Variants in SPOCK3 observed in about 807,000 individuals in gnomAD.
The protein encoded by SPOCK3 is testican-3.
A neutral mutation model predicts 56.6 loss-of-function variants in SPOCK3; 30 were observed. The ratio of observed to expected loss-of-function variants is 0.53; its 90% confidence interval spans 0.40 to 0.72. The LOEUF (loss-of-function observed/expected upper bound fraction) is 0.72, where lower values mean the gene tolerates loss of function less well. SPOCK3 is among the 30% of genes least tolerant of loss of function. The probability of loss-of-function intolerance (pLI) is 0.00; values close to 1 mark genes in which losing one functional copy is unlikely to be tolerated. For synonymous variants in SPOCK3, 196 were observed against 183.3 expected (o/e 1.07, Z -0.56); for missense variants, 527 against 530.0 (o/e 0.99, Z 0.06).
At chr4:167,050,304 C>T (rs560428180) in intron 3 of SPOCK3, among the ~76,000 whole-genome samples, 2 of 152,136 alleles carry the variant, frequency 1.3e-5, no homozygotes, top group African/African-American at 4.8e-5. Context: ...TTGCTAGTAC[C>T]CTATGATTCT....
intron 4 of SPOCK3, among the ~76,000 whole-genome samples, chr4:166,926,537 CTTTT>C (rs536719151): frequency 2.1e-5 from 3 of 143,694 alleles, no homozygotes; most frequent in Non-Finnish European, 4.7e-5. Context: ...TTTGTTTTTG[CTTTT>C]TTTGTTTTTT....
At chr4:166,905,585 C>A (rs1411623393) in intron 5 of SPOCK3, among the ~76,000 whole-genome samples, 1 of 151,870 alleles carries the variant, frequency 6.6e-6, no homozygotes, top group African/African-American at 2.4e-5. Flanking sequence ...GAACACTTTT[C>A]TTATAAATTG....
intron 2 of SPOCK3, among the ~76,000 whole-genome samples, chr4:167,216,326 G>T (rs1020131552): frequency 4.6e-5 from 7 of 152,022 alleles, no homozygotes; most frequent in Non-Finnish European, 1.0e-4. Flanking sequence ...TACATTAAAA[G>T]ATGAATAGAA....
intron 2 of SPOCK3, 81 bp from the exon 3 acceptor site, chr4:167,062,618 G>T: frequency 9.2e-7 from 1 of 1,087,358 alleles, no homozygotes; most frequent in East Asian, 2.4e-5. Context: ...AATTAAATAT[G>T]AAACACAGAA....
intron 4 of SPOCK3, among the ~76,000 whole-genome samples, chr4:166,919,055 T>C (rs766552288): frequency 3.3e-5 from 5 of 152,196 alleles, no homozygotes; most frequent in Non-Finnish European, 4.4e-5. Context: ...TTGATTCTTG[T>C]ACAGCTTGGA....
chr4:166,935,321 C>T (rs1193322997), intron 4 of SPOCK3, among the ~76,000 whole-genome samples: 1 of 152,116 alleles, frequency 6.6e-6, no homozygotes, highest in Admixed American at 6.6e-5. Context: ...GGCAAAACTC[C>T]AAGCTCGATG....
intron 7 of SPOCK3, among the ~76,000 whole-genome samples, chr4:166,773,631 T>C (rs1165878572): frequency 6.6e-6 from 1 of 152,216 alleles, no homozygotes; most frequent in African/African-American, 2.4e-5. Flanking sequence ...AGCTCTTAAA[T>C]ATTGGTATTC....
intron 4 of SPOCK3, among the ~76,000 whole-genome samples, chr4:166,997,218 T>C (rs1748477783): frequency 6.6e-6 from 1 of 152,020 alleles, no homozygotes; most frequent in Non-Finnish European, 1.5e-5. Context: ...CGGTGCTTAA[T>C]ACTTAGGCGA....
chr4:167,035,986 T>C (rs1182077556), intron 3 of SPOCK3, among the ~76,000 whole-genome samples: 3 of 152,224 alleles, frequency 2.0e-5, no homozygotes, highest in African/African-American at 7.2e-5. Context: ...ATAGCTTAAA[T>C]ATCACTACAG....
At chr4:167,071,643 C>A (rs930880671) in intron 2 of SPOCK3, among the ~76,000 whole-genome samples, 2 of 132,160 alleles carry the variant, frequency 1.5e-5, no homozygotes, top group South Asian at 2.3e-4. Flanking sequence ...TTGGGTTGGT[C>A]CCAAGTCTTT....
chr4:166,802,873 T>G (rs1236291750), intron 6 of SPOCK3, among the ~76,000 whole-genome samples: 1 of 152,082 alleles, frequency 6.6e-6, no homozygotes, highest in Non-Finnish European at 1.5e-5. Context: ...TAAGCCTCAT[T>G]CCAGGGCAGA....
intron 2 of SPOCK3, among the ~76,000 whole-genome samples, chr4:167,108,918 GCA>G (rs1561223368): frequency 1.6e-5 from 2 of 126,644 alleles, no homozygotes; most frequent in Non-Finnish European, 1.6e-5. Context: ...CTCATATACC[GCA>G]CAAATATATA....
At chr4:167,186,124 A>G (rs1353580247) in intron 2 of SPOCK3, among the ~76,000 whole-genome samples, 2 of 152,206 alleles carry the variant, frequency 1.3e-5, no homozygotes, top group Non-Finnish European at 2.9e-5. Flanking sequence ...TCTCTTTAGA[A>G]TGAATGTTTT....
chr4:167,148,878 TA>T (rs575411488), intron 2 of SPOCK3, among the ~76,000 whole-genome samples: 4 of 151,868 alleles, frequency 2.6e-5, no homozygotes, highest in Admixed American at 6.6e-5. Flanking sequence ...TCTGAAAAGC[TA>T]AAAAAAATTT....
chr4:166,754,184 T>C (rs908676468), intron 8 of SPOCK3: 1 of 1,038,170 alleles, frequency 9.6e-7, no homozygotes, highest in South Asian at 4.0e-5. Context: ...GCAAAGCAGA[T>C]AGCAAATTAA....
intron 2 of SPOCK3, among the ~76,000 whole-genome samples, chr4:167,110,500 C>T (rs557641959): frequency 6.6e-6 from 1 of 151,874 alleles, no homozygotes. Context: ...AGTATGAAAT[C>T]CAGTGTCAGG....
intron 7 of SPOCK3, among the ~76,000 whole-genome samples, chr4:166,766,406 G>A (rs187607383): frequency 1.4e-4 from 21 of 152,210 alleles, no homozygotes; most frequent in East Asian, 3.9e-4. Context: ...AAGGGCTGTC[G>A]AATTTTGTCA....
At chr4:167,063,494 A>C (rs1266682414) in intron 2 of SPOCK3, among the ~76,000 whole-genome samples, 9 of 151,892 alleles carry the variant, frequency 5.9e-5, no homozygotes. Context: ...GGAAAGCTAC[A>C]GAAGTTACAG....
At chr4:166,788,859 A>C (rs1741024502) in intron 7 of SPOCK3, among the ~76,000 whole-genome samples, 2 of 151,964 alleles carry the variant, frequency 1.3e-5, no homozygotes, top group African/African-American at 4.8e-5. Flanking sequence ...TTCATGAAAA[A>C]CATTTTTTCA....
Sources: allele counts gnomAD v4.1 joint callset (sites outside exome capture counted in the v4.1 genomes callset), GRCh38; gene constraint gnomAD v4.1.1; transcripts MANE v1.5; gene names NCBI Gene and HGNC (gene_info 2026-07-23, HGNC 2026-07-21).